Variants in LRP1B observed in about 807,000 individuals in gnomAD.
LRP1B encodes low-density lipoprotein receptor-related protein 1B.
Under a neutral mutation model 556.6 loss-of-function variants are expected in LRP1B, and 217 were observed. The observed-to-expected ratio is 0.39, with a 90% CI of 0.35 to 0.44. The LOEUF (loss-of-function observed/expected upper bound fraction) is 0.44. Among genes scored for constraint, LRP1B ranks in the 20% least tolerant of loss-of-function variants. The pLI, the probability that LRP1B is intolerant of heterozygous loss-of-function variation, is 1.00. For synonymous variants in LRP1B, 2,047 were observed against 1,865.8 expected, an observed-to-expected ratio of 1.10 and a Z score of -2.50; for missense variants, 5,053 against 5,620.8, an observed-to-expected ratio of 0.90 and a Z score of 3.23.
intron 60 of LRP1B, among the ~76,000 whole-genome samples, chr2:140,466,251 T>G (rs2105335715): frequency 6.6e-6 from 1 of 152,216 alleles, no homozygotes; most frequent in Middle Eastern, 3.4e-3. Flanking sequence ...GTGTTTTTAT[T>G]TTTGTCTTCA....
At chr2:141,273,465 A>G (rs1685164240) in intron 3 of LRP1B, among the ~76,000 whole-genome samples, 1 of 152,226 alleles carries the variant, frequency 6.6e-6, no homozygotes, top group African/African-American at 2.4e-5. Context: ...GGGTGCCAAG[A>G]AAGTTCAATG....
chr2:141,349,740 T>C (rs181253042), intron 3 of LRP1B, among the ~76,000 whole-genome samples: 3,006 of 152,204 alleles, frequency 0.02, 111 homozygotes, highest in African/African-American at 0.066. Context: ...AATATAACAT[T>C]CTGGGACAGG....
chr2:142,104,736 C>T (rs1359997618), intron 1 of LRP1B, among the ~76,000 whole-genome samples: 1 of 152,010 alleles, frequency 6.6e-6, no homozygotes, highest in Non-Finnish European at 1.5e-5. Flanking sequence ...AAATAGTAAC[C>T]ACATATTTTC....
At chr2:140,362,507 C>G (rs1682558668) in intron 72 of LRP1B, among the ~76,000 whole-genome samples, 1 of 151,594 alleles carries the variant, frequency 6.6e-6, no homozygotes, top group South Asian at 2.1e-4. Flanking sequence ...TTCCTGTTTA[C>G]AATAGGTTTA....
chr2:140,593,572 A>G (rs1682312146), intron 43 of LRP1B, among the ~76,000 whole-genome samples: 1 of 152,168 alleles, frequency 6.6e-6, no homozygotes, highest in African/African-American at 2.4e-5. Flanking sequence ...GCATTCCTCG[A>G]TATTTAGGTA....
At chr2:141,246,755 A>C (rs747626759) in intron 5 of LRP1B, among the ~76,000 whole-genome samples, 1 of 152,192 alleles carries the variant, frequency 6.6e-6, no homozygotes, top group South Asian at 2.1e-4. Context: ...GCCTGAGGCC[A>C]GGAGTTTGAG....
rs534989581 is a variant in LRP1B, at chr2:141,647,468, T to C, written c.205+162811A>G. Among the ~76,000 whole-genome samples, 11 of 152,300 alleles carry C rather than the reference T, an allele frequency of 7.2e-5. No homozygotes were observed. In the South Asian group the frequency reaches 1.4e-3, roughly 20 times the overall value. ...TTGACTAAGAGCAACATTGCTTCTA[T>C]GGTGAATTTGTTTACAAACTTCAGA... On this transcript the variant is annotated intron_variant, in intron 2 of 90. Transcript: ENST00000389484.
intron 1 of LRP1B, among the ~76,000 whole-genome samples, chr2:141,915,431 T>C (rs1307995400): frequency 2.0e-5 from 3 of 152,162 alleles, no homozygotes; most frequent in African/African-American, 4.8e-5. Flanking sequence ...TTTCACCATA[T>C]ACAAAAATTA....
intron 3 of LRP1B, among the ~76,000 whole-genome samples, chr2:141,474,584 A>C (rs1412021562): frequency 6.6e-6 from 1 of 152,206 alleles, no homozygotes; most frequent in African/African-American, 2.4e-5. Flanking sequence ...TATATTAGGA[A>C]AGTTATTTTC....
intron 3 of LRP1B, among the ~76,000 whole-genome samples, chr2:141,345,716 G>T (rs191105433): frequency 3.0e-4 from 44 of 148,688 alleles, no homozygotes; most frequent in African/African-American, 1.0e-3. Flanking sequence ...TTTTGCCCAG[G>T]CTGGTCTTGA....
intron 56 of LRP1B, among the ~76,000 whole-genome samples, chr2:140,493,258 A>C (rs745571056): frequency 6.6e-6 from 1 of 151,940 alleles, no homozygotes. Context: ...CTTTTTTTCT[A>C]ATGCTTTAAT....
At chr2:141,599,172 C>G (rs1273967640) in intron 2 of LRP1B, among the ~76,000 whole-genome samples, 1 of 147,862 alleles carries the variant, frequency 6.8e-6, no homozygotes, top group East Asian at 2.1e-4. Flanking sequence ...ATCAGCAACT[C>G]AAGCAGTCAT....
At chr2:142,041,786 A>T (rs1381065449) in intron 1 of LRP1B, among the ~76,000 whole-genome samples, 2 of 151,526 alleles carry the variant, frequency 1.3e-5, no homozygotes, top group Non-Finnish European at 3.0e-5. Flanking sequence ...AAGAAGACAT[A>T]AAATCCAAAA....
intron 2 of LRP1B, among the ~76,000 whole-genome samples, chr2:141,600,221 C>T (rs1368923768): frequency 6.6e-6 from 1 of 152,136 alleles, no homozygotes; most frequent in Non-Finnish European, 1.5e-5. Flanking sequence ...TTACTTGTGC[C>T]TTGAAATCAC....
chr2:141,023,642 T>A (rs1015716618), intron 11 of LRP1B, among the ~76,000 whole-genome samples: 4 of 152,020 alleles, frequency 2.6e-5, no homozygotes, highest in African/African-American at 9.7e-5. Flanking sequence ...TATAATTGCC[T>A]CTTTTTAAAA....
chr2:141,818,953 C>G (rs1696661462), intron 1 of LRP1B, among the ~76,000 whole-genome samples: 1 of 151,572 alleles, frequency 6.6e-6, no homozygotes, highest in Non-Finnish European at 1.5e-5. Flanking sequence ...TTAATAAAAA[C>G]TTTCTGGCCA....
At chr2:141,254,298 A>G (rs1397838811) in intron 4 of LRP1B, among the ~76,000 whole-genome samples, 1 of 152,130 alleles carries the variant, frequency 6.6e-6, no homozygotes, top group African/African-American at 2.4e-5. Flanking sequence ...CCGATTGTTG[A>G]CATTTCCCAA....
chr2:141,423,299 T>TGG (rs1680216945), intron 3 of LRP1B, among the ~76,000 whole-genome samples: 1 of 117,814 alleles, frequency 8.5e-6, no homozygotes. Context: ...GCTTTTTTTT[T>TGG]TTTTTTTTTT....
At chr2:141,738,523 G>A (rs768166574) in intron 2 of LRP1B, among the ~76,000 whole-genome samples, 2 of 152,050 alleles carry the variant, frequency 1.3e-5, no homozygotes, top group South Asian at 2.1e-4. Context: ...CATTGGCCCC[G>A]TGATATACAT....
Sources: gnomAD v4.1 joint callset for allele counts (sites outside exome capture counted in the v4.1 genomes callset) on GRCh38, gnomAD v4.1.1 for gene constraint, MANE v1.5 for transcripts, NCBI Gene and HGNC (gene_info 2026-07-23, HGNC 2026-07-21) for gene names.